The following NT5C1B variants were observed in gnomAD, a reference collection of about 807,000 sequenced individuals.
The protein encoded by NT5C1B is cytosolic 5'-nucleotidase 1B.
Under a neutral mutation model 57.8 loss-of-function variants are expected in NT5C1B, and 44 were observed. That is an observed-to-expected ratio of 0.76 (90% CI 0.60 to 0.98). NT5C1B has a LOEUF of 0.98. NT5C1B is among the 50% of genes least tolerant of loss of function. The pLI, the probability that NT5C1B is intolerant of heterozygous loss-of-function variation, is 0.00. For synonymous variants in NT5C1B, 284 were observed against 282.6 expected (o/e 1.00, Z -0.05); for missense variants, 742 against 719.5 (o/e 1.03, Z -0.36).
exon 9 of NT5C1B, chr2:18,563,469 C>T (rs1052794534): frequency 2.7e-5 from 5 of 188,204 alleles, no homozygotes; most frequent in Non-Finnish European, 5.4e-5. Flanking sequence ...CAAAAATGAG[C>T]AGTGTTTATA....
At chr2:18,570,201 C>T (rs148366541) in intron 8 of NT5C1B, among the ~76,000 whole-genome samples, 28 of 151,796 alleles carry the variant, frequency 1.8e-4, no homozygotes, top group African/African-American at 5.8e-4. Flanking sequence ...GCAACTACAG[C>T]GGTGTTTAGA....
At chr2:18,582,130 A>G (rs1666237268) in intron 6 of NT5C1B, among the ~76,000 whole-genome samples, 1 of 152,236 alleles carries the variant, frequency 6.6e-6, no homozygotes, top group African/African-American at 2.4e-5. Context: ...AACACTATGA[A>G]GACTGCACTT....
chr2:18,587,971 C>T (rs1666874423), intron 1 of NT5C1B, among the ~76,000 whole-genome samples: 1 of 152,050 alleles, frequency 6.6e-6, no homozygotes, highest in South Asian at 2.1e-4. Context: ...TTTTCCTTGC[C>T]ATTTAGAATT....
At position 18,569,548 on chromosome 2, in the gene NT5C1B, A is replaced by G. The variant is rs190660682; in HGVS notation, c.1330-5429T>C. ...TATAAAGACATAGATAAAAGTATAG[A>G]AAAATCATATCATACAAACATTAGC... is the stretch of plus-strand genomic sequence containing the variant. On this transcript the variant is annotated intron_variant, in intron 8 of 8. Coordinates refer to ENST00000304081, the Ensembl canonical transcript of NT5C1B. Among the ~76,000 whole-genome samples, 46 of 152,292 alleles carry G rather than the reference A, an allele frequency of 3.0e-4. No homozygotes were observed. The East Asian group carries it at 7.7e-3, about 26-fold the overall frequency.
chr2:18,574,440 A>G (rs149763117), intron 8 of NT5C1B, among the ~76,000 whole-genome samples: 171 of 152,278 alleles, frequency 1.1e-3, no homozygotes, highest in African/African-American at 3.7e-3. Context: ...AAAACTAAGA[A>G]TAGAACAACT....
exon 1 of NT5C1B, chr2:18,589,476 C>G: frequency 6.2e-7 from 1 of 1,613,976 alleles, no homozygotes; most frequent in Non-Finnish European, 8.5e-7. Flanking sequence ...CATTTTTTTA[C>G]CTGTTGAAAT....
Position 18,584,866 on chromosome 2 carries a change from T to C in NT5C1B, c.371A>G (p.Gln124Arg). ...CCGCGAGTCCAGCGACCGGGGCAGC[T>C]GGGGCGACGCGGGTGGCTGGAGCGA... The change falls in exon 4 of 9, where the codon CAG becomes CGG. Residue 124 changes from glutamine (Q) to arginine (R), a missense_variant. Gln to Arg is a conservative substitution (Grantham distance 43). Transcript: ENST00000304081. This position sits in a 1 kb window ranked among gnomAD's most constrained non-coding sequence, Gnocchi z 5.8. 1 of 1,601,054 alleles carries C rather than the reference T, an allele frequency of 6.2e-7. No homozygotes were observed. Among genetic ancestry groups the C allele is most frequent in the Non-Finnish European group, 8.5e-7 (1 of 1,175,638 alleles).
chr2:18,572,764 C>T (rs1665321571), intron 8 of NT5C1B, among the ~76,000 whole-genome samples: 2 of 151,976 alleles, frequency 1.3e-5, no homozygotes, highest in Admixed American at 1.3e-4. Context: ...ACTAAAATTG[C>T]TTAAAGAAAG....
Position 18,584,832 on chromosome 2 carries a change from C to T in NT5C1B, c.405G>A (p.Thr135=). Residue 135 remains threonine (T), a synonymous_variant, in exon 4 of 9, where the codon ACG becomes ACA. Coordinates refer to ENST00000304081, the Ensembl canonical transcript of NT5C1B. This position sits in a 1 kb window ranked among gnomAD's most constrained non-coding sequence, Gnocchi z 5.8. ...GGGAGCCAGGATCGGGCTCTGGGGG[C>T]GTGGGAGGCCGCGAGTCCAGCGACC... 1.2e-6 allele frequency: 2 copies of T among 1,610,788 alleles called. No individual in the cohort carries two copies. Among genetic ancestry groups the T allele is most frequent in the Non-Finnish European group, 1.7e-6 (2 of 1,178,994 alleles).
intron 1 of NT5C1B, among the ~76,000 whole-genome samples, chr2:18,588,625 A>G (rs931579450): frequency 2.0e-5 from 3 of 151,996 alleles, no homozygotes; most frequent in East Asian, 1.9e-4. Flanking sequence ...CCTTTTTTCT[A>G]TCTCTATTAT....
intron 6 of NT5C1B, among the ~76,000 whole-genome samples, chr2:18,581,913 C>T (rs1666219326): frequency 6.6e-6 from 1 of 152,188 alleles, no homozygotes; most frequent in South Asian, 2.1e-4. Flanking sequence ...TGTACACAAT[C>T]AGTTCATCAG....
intron 8 of NT5C1B, among the ~76,000 whole-genome samples, chr2:18,566,796 C>T (rs992643189): frequency 6.6e-6 from 1 of 152,108 alleles, no homozygotes; most frequent in Non-Finnish European, 1.5e-5. Context: ...GACTGTTACT[C>T]CCACCCTAAT....
At chr2:18,589,391 C>T (rs1186912503) in intron 1 of NT5C1B, 48 bp downstream of exon 1, 5 of 1,613,340 alleles carry the variant, frequency 3.1e-6, no homozygotes, top group Non-Finnish European at 4.2e-6. Context: ...CTGATATCCA[C>T]ATTTCTTCAG....
chr2:18,564,128 G>A lies in NT5C1B; in HGVS notation c.1330-9C>T. 6.5e-7 allele frequency: 1 copy of A among 1,547,364 alleles called. No individual in the cohort carries two copies. Among genetic ancestry groups the A allele is most frequent in the Non-Finnish European group, 8.7e-7 (1 of 1,146,922 alleles). ...AAGCCTTTTAGGGGACCCTGTAAAAGGAACATATATCACAGCTGTGATACA... is the reference window on the plus strand; with the variant it reads ...AAGCCTTTTAGGGGACCCTGTAAAAAGAACATATATCACAGCTGTGATACA... On this transcript the variant is annotated splice_polypyrimidine_tract_variant and intron_variant, in intron 8 of 8. Transcript: ENST00000304081.
At chr2:18,583,835 C>T (rs1460215957) in intron 5 of NT5C1B, 2 of 673,982 alleles carry the variant, frequency 3.0e-6, no homozygotes, top group South Asian at 1.5e-5. Flanking sequence ...GTTTCTGTTA[C>T]AAGTCTCATG....
chr2:18,581,942 A>G (rs752539535), intron 6 of NT5C1B, among the ~76,000 whole-genome samples: 1 of 152,222 alleles, frequency 6.6e-6, no homozygotes, highest in Non-Finnish European at 1.5e-5. Context: ...ACAGGTGAAT[A>G]ACTGATTTCT....
exon 3 of NT5C1B, chr2:18,586,339 C>T (rs367871143): frequency 5.3e-5 from 86 of 1,613,990 alleles, no homozygotes; most frequent in South Asian, 8.8e-5. Context: ...CCATTGACTG[C>T]GCACAAGGTA....
intron 6 of NT5C1B, among the ~76,000 whole-genome samples, chr2:18,577,758 A>G (rs1010701171): frequency 6.6e-6 from 1 of 152,036 alleles, no homozygotes; most frequent in Non-Finnish European, 1.5e-5. Context: ...AATAACCATA[A>G]TCAGAGCTGA....
Position 18,587,642 on chromosome 2 carries a change from A to G in NT5C1B, c.31-50T>C, listed in dbSNP as rs1480735013. 3 of 1,573,932 alleles carry G rather than the reference A, an allele frequency of 1.9e-6. No individual in the cohort carries two copies. The Admixed American group carries it at 6.0e-5, about 31-fold the overall frequency. ...TATTAATTTTTAATCTCAGGGCATT[A>G]GGAACTTTGGCTTTCAGAATAAAAG... On this transcript the variant is annotated intron_variant, in intron 1 of 8. Transcript: ENST00000304081.
Sources: gnomAD v4.1 joint callset for allele counts (sites outside exome capture counted in the v4.1 genomes callset) on GRCh38, gnomAD v4.1.1 for gene constraint, Gnocchi (gnomAD v3.1) non-coding constraint, MANE v1.5 for transcripts, NCBI Gene and HGNC (gene_info 2026-07-23, HGNC 2026-07-21) for gene names.